Variants in GRM1 observed in about 807,000 individuals in gnomAD.
The protein encoded by GRM1 is glutamate metabotropic receptor 1, also known as metabotropic glutamate receptor 1.
Under a neutral mutation model 90.9 loss-of-function variants are expected in GRM1, and 33 were observed. The ratio of observed to expected loss-of-function variants is 0.36; its 90% CI spans 0.28 to 0.49. GRM1 has a LOEUF of 0.49. Among genes scored for constraint, GRM1 ranks in the 20% least tolerant of loss-of-function variants. GRM1 has a pLI of 0.99. For synonymous variants in GRM1, 700 were observed against 613.2 expected, an observed-to-expected ratio of 1.14 and a Z score of -2.09; for missense variants, 1,190 against 1,534.3, an observed-to-expected ratio of 0.78 and a Z score of 3.75.
intron 7 of GRM1, among the ~76,000 whole-genome samples, chr6:146,402,667 T>G (rs1402279703): frequency 6.6e-6 from 1 of 152,184 alleles, no homozygotes; most frequent in Non-Finnish European, 1.5e-5. Flanking sequence ...GATGCTGTAA[T>G]GAAGAGCTTC....
chr6:146,261,493 GA>G (rs1346035516), intron 2 of GRM1, among the ~76,000 whole-genome samples: 3 of 151,824 alleles, frequency 2.0e-5, no homozygotes, highest in African/African-American at 7.2e-5. Flanking sequence ...TTAACATGGA[GA>G]AAAAAAATCA....
chr6:146,117,154 A>T (rs980271869), intron 1 of GRM1, among the ~76,000 whole-genome samples: 14 of 148,102 alleles, frequency 9.5e-5, no homozygotes, highest in African/African-American at 3.2e-4. Flanking sequence ...TTATTTATTT[A>T]TTTATTTTTT....
intron 1 of GRM1, among the ~76,000 whole-genome samples, chr6:146,153,388 A>AT (rs1777408725): frequency 6.6e-6 from 1 of 152,222 alleles, no homozygotes; most frequent in Non-Finnish European, 1.5e-5. Flanking sequence ...AACTAAGATA[A>AT]TGTGTACAAA....
At chr6:146,152,474 A>G (rs1451239360) in intron 1 of GRM1, among the ~76,000 whole-genome samples, 2 of 151,894 alleles carry the variant, frequency 1.3e-5, no homozygotes, top group East Asian at 1.9e-4. Flanking sequence ...CTTCACACCT[A>G]TACTGTAAGT....
chr6:146,191,055 G>C (rs955799250), intron 2 of GRM1, among the ~76,000 whole-genome samples: 1 of 152,088 alleles, frequency 6.6e-6, no homozygotes, highest in African/African-American at 2.4e-5. Context: ...TCTCACCTCT[G>C]TGCCTCTGCA....
chr6:146,301,488 C>T (rs1783378476), intron 2 of GRM1, among the ~76,000 whole-genome samples: 1 of 152,160 alleles, frequency 6.6e-6, no homozygotes, highest in African/African-American at 2.4e-5. Context: ...TGCACATGAA[C>T]ATCACAGCAA....
intron 1 of GRM1, among the ~76,000 whole-genome samples, chr6:146,074,178 T>C (rs1263847002): frequency 6.6e-6 from 1 of 152,072 alleles, no homozygotes; most frequent in Non-Finnish European, 1.5e-5. Flanking sequence ...GGATGAGAGA[T>C]ATCAAGACCA....
At chr6:146,210,829 T>A (rs1179505640) in intron 2 of GRM1, among the ~76,000 whole-genome samples, 1 of 152,178 alleles carries the variant, frequency 6.6e-6, no homozygotes, top group African/African-American at 2.4e-5. Flanking sequence ...GTTGCTTGCA[T>A]GGCATTGAGA....
At chr6:146,429,653 G>T (rs548857480) in intron 7 of GRM1, among the ~76,000 whole-genome samples, 3 of 152,134 alleles carry the variant, frequency 2.0e-5, no homozygotes, top group African/African-American at 7.2e-5. Flanking sequence ...CCCCTTCCTT[G>T]ACAGGCCTCA....
chr6:146,201,908 T>C (rs1289175053), intron 2 of GRM1, among the ~76,000 whole-genome samples: 1 of 152,210 alleles, frequency 6.6e-6, no homozygotes. Flanking sequence ...TCAACCGCTG[T>C]GCAATGCTGC....
At chr6:146,059,385 T>G (rs1193601527) in intron 1 of GRM1, among the ~76,000 whole-genome samples, 3 of 152,124 alleles carry the variant, frequency 2.0e-5, no homozygotes. Context: ...GAGCAGTAGA[T>G]CTCAACAGTG....
At chr6:146,069,330 A>C (rs1775952588) in intron 1 of GRM1, among the ~76,000 whole-genome samples, 1 of 152,206 alleles carries the variant, frequency 6.6e-6, no homozygotes, top group African/African-American at 2.4e-5. Flanking sequence ...GGCAATGCTC[A>C]TATTACATTA....
Position 146,284,607 on chromosome 6 carries a change from A to T in GRM1, c.951-20004A>T, listed in dbSNP as rs200639088. On this transcript the variant is annotated intron_variant, in intron 2 of 7. Coordinates refer to ENST00000282753, the MANE Select transcript of GRM1 (RefSeq NM_001278064.2). The stretch of plus-strand genomic sequence containing the variant: ...GGGAGGTGATTGAATCATGGAGACG[A>T]TTTCCCCCATGCTGTTCTTGTGATA... Among the ~76,000 whole-genome samples the T allele has an allele frequency of 5.3e-5, 8 of 152,174 alleles. No individual in the cohort carries two copies. In the East Asian group the frequency reaches 1.4e-3, roughly 26 times the overall value.
In GRM1 at chr6:146,178,978, G is replaced by A. The variant is rs117478176; in HGVS notation, c.950+19381G>A. Among the ~76,000 whole-genome samples the A allele has an allele frequency of 3.5e-4, 53 of 152,234 alleles. No homozygotes were observed. In the East Asian group the frequency reaches 8.7e-3, roughly 25 times the overall value. On this transcript the variant is annotated intron_variant, in intron 2 of 7. Transcript: ENST00000282753. ...GGCTGGTGGTATAAGAATGGGAATC[G>A]ATTTTAATGCCTTGGAAGAGAGTCC...
At chr6:146,065,290 G>T (rs778367440) in intron 1 of GRM1, among the ~76,000 whole-genome samples, 1 of 152,092 alleles carries the variant, frequency 6.6e-6, no homozygotes, top group Non-Finnish European at 1.5e-5. Context: ...TGTGAACCAC[G>T]TTCAGATCTA....
At chr6:146,330,984 A>C (rs1030758772) in intron 3 of GRM1, among the ~76,000 whole-genome samples, 1 of 152,176 alleles carries the variant, frequency 6.6e-6, no homozygotes. Flanking sequence ...CTGAAATAAT[A>C]GCATGCCAAA....
At chr6:146,257,700 C>G (rs906787241) in intron 2 of GRM1, among the ~76,000 whole-genome samples, 1 of 152,058 alleles carries the variant, frequency 6.6e-6, no homozygotes, top group Non-Finnish European at 1.5e-5. Context: ...GGAGAAGACT[C>G]GTGAACCAGC....
At chr6:146,405,616 G>T (rs1583453249) in intron 7 of GRM1, among the ~76,000 whole-genome samples, 1 of 152,200 alleles carries the variant, frequency 6.6e-6, no homozygotes, top group African/African-American at 2.4e-5. Context: ...CCATCTTGCT[G>T]TGTGCTCACA....
chr6:146,398,758 T>C lies in GRM1; in HGVS notation c.1730-11T>C, dbSNP rs1777057305. 6.3e-7 allele frequency: 1 copy of C among 1,588,128 alleles called. No homozygotes were observed. Among genetic ancestry groups the C allele is most frequent in the East Asian group, 2.2e-5 (1 of 44,752 alleles). Reference sequence around the variant, plus strand: ...CTTGGATTCATGCTCAAATGATTTTTCTCATCACAGGCTGTGAGCCCATTC... The same window carrying C: ...CTTGGATTCATGCTCAAATGATTTTCCTCATCACAGGCTGTGAGCCCATTC... On this transcript the variant is annotated splice_polypyrimidine_tract_variant and intron_variant, in intron 6 of 7. Coordinates refer to ENST00000282753, the MANE Select transcript of GRM1 (RefSeq NM_001278064.2).
Sources: gnomAD v4.1 joint callset for allele counts (sites outside exome capture counted in the v4.1 genomes callset) on GRCh38, gnomAD v4.1.1 for gene constraint, MANE v1.5 for transcripts, NCBI Gene and HGNC (gene_info 2026-07-23, HGNC 2026-07-21) for gene names.